The following GRIA2 variants were observed in gnomAD, a reference collection of about 807,000 sequenced individuals.
The protein encoded by GRIA2 is glutamate receptor 2.
GRIA2 carries 14 observed loss-of-function variants against 97.3 expected under a neutral mutation model. The ratio of observed to expected loss-of-function variants is 0.14; its 90% CI spans 0.10 to 0.23. The LOEUF (loss-of-function observed/expected upper bound fraction) is 0.23, where lower values mean the gene tolerates loss of function less well. GRIA2 is among the 10% of genes least tolerant of loss of function. GRIA2 has a pLI of 1.00. For missense variants in GRIA2, 558 were observed against 1,069.8 expected (o/e 0.52, Z 6.67); for synonymous variants, 412 against 387.8 (o/e 1.06, Z -0.73).
At chr4:157,288,339 A>G (rs1366345774) in intron 2 of GRIA2, among the ~76,000 whole-genome samples, 2 of 151,646 alleles carry the variant, frequency 1.3e-5, no homozygotes, top group African/African-American at 4.8e-5. Context: ...CCTGTATCAG[A>G]TACTCTACTT....
chr4:157,365,335 T>G lies in GRIA2; in HGVS notation c.*1904T>G, dbSNP rs1013155730. On this transcript the variant is annotated 3_prime_UTR_variant, in exon 16 of 16. Transcript: ENST00000264426. ...GTGCATTTTAAGTTTTAATAATAAGTGCTAGAATGACCAAATTGCAGACTA... is the reference window on the plus strand; with the variant it reads ...GTGCATTTTAAGTTTTAATAATAAGGGCTAGAATGACCAAATTGCAGACTA... The G allele has an allele frequency of 3.4e-4, 52 of 151,986 alleles. No individual in the cohort carries two copies. The highest frequency in any genetic ancestry group is 3.0e-3 in the Admixed American group (46 of 15,146). The allele number at this position is 151,986 out of a possible 1,614,324, so 9.4% of individuals were successfully genotyped here.
At chr4:157,233,157 C>T (rs2126697892) in intron 2 of GRIA2, among the ~76,000 whole-genome samples, 1 of 152,234 alleles carries the variant, frequency 6.6e-6, no homozygotes, top group African/African-American at 2.4e-5. Flanking sequence ...CTGGGCAGGA[C>T]ATAATGCCTT....
chr4:157,255,339 C>T (rs1731191961), intron 2 of GRIA2, among the ~76,000 whole-genome samples: 1 of 151,956 alleles, frequency 6.6e-6, no homozygotes, highest in African/African-American at 2.4e-5. Flanking sequence ...CATATCTTTG[C>T]TTTTGTGAAC....
chr4:157,354,568 A>G (rs1305929413), intron 12 of GRIA2, among the ~76,000 whole-genome samples: 1 of 152,218 alleles, frequency 6.6e-6, no homozygotes, highest in Non-Finnish European at 1.5e-5. Flanking sequence ...CAGAGAAGTC[A>G]AAGTATGCAC....
intron 3 of GRIA2, 113 bp downstream of exon 3, chr4:157,303,904 G>C (rs1222085554): frequency 9.1e-7 from 1 of 1,095,794 alleles, no homozygotes; most frequent in Non-Finnish European, 1.3e-6. Context: ...GGATCCCTTG[G>C]TTTAATTTTG....
chr4:157,294,233 G>A (rs1395687126), intron 2 of GRIA2, among the ~76,000 whole-genome samples: 2 of 150,872 alleles, frequency 1.3e-5, no homozygotes, highest in East Asian at 3.9e-4. Context: ...TAAATTTTAA[G>A]TAGAAATCTT....
At chr4:157,236,652 T>C (rs1730262437) in intron 2 of GRIA2, among the ~76,000 whole-genome samples, 1 of 152,190 alleles carries the variant, frequency 6.6e-6, no homozygotes, top group African/African-American at 2.4e-5. Context: ...TTTACAACCC[T>C]ACCTAGAGTG....
At chr4:157,239,606 TCTTA>T (rs1185311859) in intron 2 of GRIA2, among the ~76,000 whole-genome samples, 1 of 152,026 alleles carries the variant, frequency 6.6e-6, no homozygotes, top group Admixed American at 6.6e-5. Flanking sequence ...TCTTTCAACT[TCTTA>T]CTTTATGAAT....
At chr4:157,304,737 A>C (rs931563900) in intron 3 of GRIA2, among the ~76,000 whole-genome samples, 1 of 152,196 alleles carries the variant, frequency 6.6e-6, no homozygotes, top group Non-Finnish European at 1.5e-5. Flanking sequence ...ATGAAAACCC[A>C]GAAGCCTATT....
At chr4:157,252,753 A>G (rs772518984) in intron 2 of GRIA2, among the ~76,000 whole-genome samples, 30 of 152,122 alleles carry the variant, frequency 2.0e-4, no homozygotes, top group Non-Finnish European at 3.5e-4. Flanking sequence ...GTTTATTTAT[A>G]TGGGTTTAGA....
rs1303925563 is a variant in GRIA2, at chr4:157,364,180, A to C, written c.*749A>C. 1 of 152,490 alleles carries C rather than the reference A, an allele frequency of 6.6e-6. No homozygotes were observed. The highest frequency in any genetic ancestry group is 1.5e-5 in the Non-Finnish European group (1 of 67,994). The allele number at this position is 152,490 out of a possible 1,614,324, so 9.4% of individuals were successfully genotyped here. A position where few individuals can be genotyped will look rare whatever the true frequency, so the allele number is the denominator to read the frequency against. ...AGAGGAGATTCCAATCTTGTAATTT[A>C]ATATTGTTATTAAAACTTTAATGTA... is the stretch of plus-strand genomic sequence containing the variant. On this transcript the variant is annotated 3_prime_UTR_variant, in exon 16 of 16. Transcript: ENST00000264426.
intron 6 of GRIA2, among the ~76,000 whole-genome samples, chr4:157,323,995 A>G (rs1172881880): frequency 6.6e-6 from 1 of 152,082 alleles, no homozygotes; most frequent in African/African-American, 2.4e-5. Context: ...TCACTGTTTG[A>G]CCCTGGGTCC....
chr4:157,228,000 T>C (rs1729824687), intron 2 of GRIA2, among the ~76,000 whole-genome samples: 1 of 152,232 alleles, frequency 6.6e-6, no homozygotes, highest in Admixed American at 6.5e-5. Flanking sequence ...CCTATTATTT[T>C]TCAGTGCTAT....
chr4:157,227,027 T>C lies in GRIA2; in HGVS notation c.229+5220T>C, dbSNP rs1481013844. Reference sequence around the variant, plus strand: ...AGAATTTCAAGAAAATGAGTGCGTATTAAGTAGAAATCAAAGAATGGCATT... The same window carrying C: ...AGAATTTCAAGAAAATGAGTGCGTACTAAGTAGAAATCAAAGAATGGCATT... On this transcript the variant is annotated intron_variant, in intron 2 of 15. Transcript: ENST00000264426. Among the ~76,000 whole-genome samples, 2 of 152,210 alleles carry C rather than the reference T, an allele frequency of 1.3e-5. 1 individual carries two copies. Among genetic ancestry groups the C allele is most frequent in the South Asian group, 4.1e-4 (2 of 4,836 alleles).
intron 2 of GRIA2, among the ~76,000 whole-genome samples, chr4:157,249,179 G>A (rs1730915265): frequency 2.0e-5 from 3 of 152,188 alleles, no homozygotes; most frequent in Admixed American, 1.3e-4. Flanking sequence ...GCAGTGCTGA[G>A]GGATAAAACA....
chr4:157,355,293 C>A (rs993704571), intron 12 of GRIA2, among the ~76,000 whole-genome samples: 6 of 151,856 alleles, frequency 4.0e-5, no homozygotes, highest in African/African-American at 1.5e-4. Context: ...TTTGGGAGGC[C>A]AAAGCAGGCG....
At chr4:157,343,600 T>G (rs936227434) in intron 12 of GRIA2, among the ~76,000 whole-genome samples, 1 of 152,066 alleles carries the variant, frequency 6.6e-6, no homozygotes, top group Non-Finnish European at 1.5e-5. Flanking sequence ...GTTGATGAAA[T>G]GACATTGGCT....
chr4:157,278,836 A>C (rs1313985717), intron 2 of GRIA2, among the ~76,000 whole-genome samples: 1 of 103,052 alleles, frequency 9.7e-6, no homozygotes, highest in Non-Finnish European at 2.1e-5. Flanking sequence ...CTCATTGAAG[A>C]AGATATACTG....
In GRIA2 at chr4:157,336,388, T is replaced by A; in HGVS notation, c.1485T>A (p.Ile495=). Residue 495 remains isoleucine (I), a synonymous_variant, in exon 11 of 16, where the codon ATT becomes ATA. Coordinates refer to ENST00000264426, the MANE Select transcript of GRIA2 (RefSeq NM_001083619.3). ...TTTTTCCCTTACAGAAAGCTGATAT[T>A]GCAATTGCTCCATTAACTATTACCC... ...VGELVYGKAD[I]AIAPLTITLV... The A allele has an allele frequency of 6.5e-7, 1 of 1,547,100 alleles. No individual in the cohort carries two copies. The highest frequency in any genetic ancestry group is 8.7e-7 in the Non-Finnish European group (1 of 1,149,000).
Sources: allele counts gnomAD v4.1 joint callset (sites outside exome capture counted in the v4.1 genomes callset), GRCh38; gene constraint gnomAD v4.1.1; transcripts MANE v1.5; gene names NCBI Gene and HGNC (gene_info 2026-07-23, HGNC 2026-07-21).